EYA2: variants seen among roughly 807,000 people sequenced by gnomAD.
EYA2 encodes the protein EYA transcriptional coactivator and phosphatase 2, also known as protein phosphatase EYA2.
A neutral mutation model predicts 69.2 loss-of-function variants in EYA2; 31 were observed. That is an observed-to-expected ratio of 0.45 (90% CI 0.34 to 0.60). The LOEUF is 0.60. EYA2 is among the 20% of genes least tolerant of loss of function. The probability of loss-of-function intolerance (pLI) is 0.02; values close to 1 mark genes in which losing one functional copy is unlikely to be tolerated. For missense variants in EYA2, 622 were observed against 701.2 expected, an observed-to-expected ratio of 0.89 and a Z score of 1.28; for synonymous variants, 257 against 279.4, an observed-to-expected ratio of 0.92 and a Z score of 0.80.
intron 1 of EYA2, among the ~76,000 whole-genome samples, chr20:46,936,969 C>T (rs1346725201): frequency 1.3e-5 from 2 of 152,162 alleles, no homozygotes; most frequent in South Asian, 4.1e-4. Context: ...AAGGTCAGCT[C>T]GGGGCGCAGT....
intron 7 of EYA2, among the ~76,000 whole-genome samples, chr20:47,086,040 A>G (rs566169922): frequency 6.6e-6 from 1 of 152,340 alleles, no homozygotes; most frequent in East Asian, 1.9e-4. Flanking sequence ...ATTAAAAGAG[A>G]GAAAGAAAAA....
intron 10 of EYA2, among the ~76,000 whole-genome samples, chr20:47,151,397 A>C (rs903701701): frequency 3.3e-5 from 5 of 151,662 alleles, no homozygotes; most frequent in Admixed American, 6.6e-5. Flanking sequence ...TCAGTGAGCT[A>C]TTATGGACTG....
chr20:47,172,882 C>T lies in EYA2; in HGVS notation c.1198+15C>T, dbSNP rs1395949501. 3.8e-6 allele frequency: 6 copies of T among 1,593,658 alleles called. No homozygotes were observed. Among genetic ancestry groups the T allele is most frequent in the Non-Finnish European group, 5.1e-6 (6 of 1,167,898 alleles). ...CAACGTTGGTGGTGAGTACTGTGAGCCTTGGGCCTCCGAGGAAGGGAAACT... is the reference window on the plus strand; with the variant it reads ...CAACGTTGGTGGTGAGTACTGTGAGTCTTGGGCCTCCGAGGAAGGGAAACT... On this transcript the variant is annotated intron_variant, in intron 12 of 15. Coordinates refer to ENST00000327619, the MANE Select transcript of EYA2 (RefSeq NM_005244.5).
chr20:46,911,965 G>T (rs140627832), intron 1 of EYA2, among the ~76,000 whole-genome samples: 6 of 152,192 alleles, frequency 3.9e-5, no homozygotes, highest in Non-Finnish European at 7.3e-5. Context: ...AATGTTAAAT[G>T]TTTGAGGTGA....
At position 47,060,842 on chromosome 20, in the gene EYA2, T is replaced by G. The variant is rs370094375; in HGVS notation, c.416-11343T>G. ...ACAGCTGCTCATCTTCATCAATCGC[T>G]CTCTCTCTCTTTTTTTTTTTTTTTT... On this transcript the variant is annotated intron_variant, in intron 5 of 15. Coordinates refer to ENST00000327619, the MANE Select transcript of EYA2 (RefSeq NM_005244.5). Among the ~76,000 whole-genome samples the G allele has an allele frequency of 6.6e-3, 911 of 138,908 alleles. 7 individuals are homozygous for G. Among genetic ancestry groups the G allele is most frequent in the African/African-American group, 0.024 (846 of 35,966 alleles). 91.1% of individuals were successfully genotyped at this position (138,908 alleles called of 152,430 possible). A position where few individuals can be genotyped will look rare whatever the true frequency, so the allele number is the denominator to read the frequency against.
intron 5 of EYA2, among the ~76,000 whole-genome samples, chr20:47,042,685 G>A (rs771469268): frequency 3.9e-5 from 6 of 152,130 alleles, no homozygotes; most frequent in Non-Finnish European, 7.4e-5. Flanking sequence ...AGAACCGAGT[G>A]TCCCAGCTTC....
intron 12 of EYA2, among the ~76,000 whole-genome samples, chr20:47,177,421 A>G (rs1052930902): frequency 6.6e-6 from 1 of 152,206 alleles, no homozygotes; most frequent in African/African-American, 2.4e-5. Flanking sequence ...CAAAATCAGG[A>G]TTCTTATTAC....
intron 9 of EYA2, among the ~76,000 whole-genome samples, chr20:47,134,996 G>A (rs933651443): frequency 2.6e-5 from 4 of 151,756 alleles, no homozygotes; most frequent in Non-Finnish European, 5.9e-5. Flanking sequence ...GCGTGGTGGC[G>A]GGCACCTGTA....
intron 7 of EYA2, among the ~76,000 whole-genome samples, chr20:47,079,691 C>A (rs944098192): frequency 6.6e-6 from 1 of 152,086 alleles, no homozygotes; most frequent in Non-Finnish European, 1.5e-5. Context: ...CAGGTTAAAT[C>A]AATCATGGTG....
At chr20:47,039,833 T>A in intron 5 of EYA2, among the ~76,000 whole-genome samples, 1 of 121,246 alleles carries the variant, frequency 8.2e-6, no homozygotes, top group East Asian at 2.3e-4. Context: ...GAAGATCAAA[T>A]ACTTTTTTTT....
At position 47,074,146 on chromosome 20, in the gene EYA2, T is replaced by C; in HGVS notation, c.484-12T>C. 6.3e-7 allele frequency: 1 copy of C among 1,588,782 alleles called. No homozygotes were observed. Among genetic ancestry groups the C allele is most frequent in the Non-Finnish European group, 8.6e-7 (1 of 1,162,902 alleles). On this transcript the variant is annotated splice_polypyrimidine_tract_variant and intron_variant, in intron 6 of 15. Coordinates refer to ENST00000327619, the MANE Select transcript of EYA2 (RefSeq NM_005244.5). ...CCTCACATATGTCCTTGGTTTGTTT[T>C]TCTCTTCCCAGGACTATCCTTCCTA...
intron 5 of EYA2, among the ~76,000 whole-genome samples, chr20:47,047,233 G>A (rs543851538): frequency 3.6e-4 from 55 of 152,080 alleles, no homozygotes; most frequent in Non-Finnish European, 5.1e-4. Context: ...CCCATTAAAC[G>A]TGGGCATGCA....
At chr20:47,023,004 C>T (rs1983847179) in intron 5 of EYA2, among the ~76,000 whole-genome samples, 1 of 152,010 alleles carries the variant, frequency 6.6e-6, no homozygotes, top group African/African-American at 2.4e-5. Context: ...ATTAGCGTCA[C>T]TCCTTAGTTC....
chr20:46,947,513 A>G (rs75396188), intron 1 of EYA2, among the ~76,000 whole-genome samples: 5,558 of 152,242 alleles, frequency 0.037, 330 homozygotes, highest in African/African-American at 0.13. Flanking sequence ...CGTATTTTCT[A>G]TGAACACCAG....
intron 4 of EYA2, among the ~76,000 whole-genome samples, chr20:47,008,860 G>T (rs1342387901): frequency 6.6e-6 from 1 of 151,700 alleles, no homozygotes; most frequent in African/African-American, 2.4e-5. Context: ...ATTGCTGGGA[G>T]GATTAAATGA....
In EYA2 at chr20:47,188,381, T is replaced by C; in HGVS notation, c.*248T>C. On this transcript the variant is annotated 3_prime_UTR_variant, in exon 16 of 16. Coordinates refer to ENST00000327619, the MANE Select transcript of EYA2 (RefSeq NM_005244.5). ...AAAAGGGCTGGCTCGGAGTCTAGAC[T>C]CTTCTGTAAGACTCACAGAACAAAA... is the stretch of plus-strand genomic sequence containing the variant. 1 of 590,040 alleles carries C rather than the reference T, an allele frequency of 1.7e-6. No individual in the cohort carries two copies. The highest frequency in any genetic ancestry group is 1.9e-5 in the African/African-American group (1 of 53,882). 36.6% of individuals were successfully genotyped at this position (590,040 alleles called of 1,614,324 possible).
chr20:46,953,598 G>A (rs746953690), intron 1 of EYA2, among the ~76,000 whole-genome samples: 1 of 152,088 alleles, frequency 6.6e-6, no homozygotes. Flanking sequence ...TCCTTATGGC[G>A]CTGTCCTGTG....
At chr20:47,164,374 A>T (rs757120731) in intron 10 of EYA2, among the ~76,000 whole-genome samples, 6 of 152,094 alleles carry the variant, frequency 3.9e-5, no homozygotes, top group Non-Finnish European at 8.8e-5. Context: ...GCCTCCCCAA[A>T]TGCCTTTCCT....
chr20:47,097,001 T>C, intron 8 of EYA2, 84 bp from the exon 9 acceptor site: 1 of 997,652 alleles, frequency 1.0e-6, no homozygotes, highest in Non-Finnish European at 1.5e-6. Flanking sequence ...CTTCTTTTCC[T>C]CCAAGGGAAT....
Sources: allele counts gnomAD v4.1 joint callset (sites outside exome capture counted in the v4.1 genomes callset), GRCh38; gene constraint gnomAD v4.1.1; transcripts MANE v1.5; gene names NCBI Gene and HGNC (gene_info 2026-07-23, HGNC 2026-07-21).